Variants in IMPG2 observed in about 807,000 individuals in gnomAD.
IMPG2 encodes interphotoreceptor matrix proteoglycan 2.
A neutral mutation model predicts 129.2 loss-of-function variants in IMPG2; 91 were observed. The observed-to-expected ratio is 0.70, with a 90% CI of 0.59 to 0.84. The LOEUF (loss-of-function observed/expected upper bound fraction) is 0.84, where lower values mean the gene tolerates loss of function less well. IMPG2 is among the 40% of genes least tolerant of loss of function. The pLI, the probability that IMPG2 is intolerant of heterozygous loss-of-function variation, is 0.00. For missense variants in IMPG2, 1,430 were observed against 1,461.7 expected (o/e 0.98, Z 0.35); for synonymous variants, 510 against 517.7 (o/e 0.99, Z 0.20).
At chr3:101,254,449 A>G (rs1559645773) in intron 10 of IMPG2, among the ~76,000 whole-genome samples, 1 of 152,114 alleles carries the variant, frequency 6.6e-6, no homozygotes, top group Non-Finnish European at 1.5e-5. Flanking sequence ...CATGTATACA[A>G]TGTATGGTAA....
intron 11 of IMPG2, among the ~76,000 whole-genome samples, chr3:101,252,325 C>G (rs1444122771): frequency 6.6e-6 from 1 of 152,160 alleles, no homozygotes. Context: ...TTTGCAGCCT[C>G]TGGCTTATAT....
At chr3:101,316,693 G>T (rs1257026040) in intron 2 of IMPG2, among the ~76,000 whole-genome samples, 1 of 152,014 alleles carries the variant, frequency 6.6e-6, no homozygotes, top group African/African-American at 2.4e-5. Context: ...CAATTTACTG[G>T]AAAGTTAAAC....
intron 3 of IMPG2, among the ~76,000 whole-genome samples, chr3:101,302,486 A>G (rs77926434): frequency 6.6e-6 from 1 of 152,208 alleles, no homozygotes; most frequent in Non-Finnish European, 1.5e-5. Flanking sequence ...AGGAGGCCCA[A>G]TGGTGTGAAG....
intron 2 of IMPG2, among the ~76,000 whole-genome samples, chr3:101,307,449 G>C (rs2107139744): frequency 6.6e-6 from 1 of 152,286 alleles, no homozygotes; most frequent in Non-Finnish European, 1.5e-5. Context: ...CCACATGGGT[G>C]GGGAGGCCTC....
intron 17 of IMPG2, 60 bp downstream of exon 17, chr3:101,229,320 G>GGGCCCCCCCCCCCC: frequency 1.9e-6 from 1 of 519,342 alleles, no homozygotes; most frequent in Non-Finnish European, 3.0e-6. Context: ...ACCACCCCCT[G>GGGCCCCCCCCCCCC]CTCCCCCACA....
At chr3:101,241,641 A>C (rs1396671064) in intron 14 of IMPG2, among the ~76,000 whole-genome samples, 1 of 152,142 alleles carries the variant, frequency 6.6e-6, no homozygotes. Context: ...GATAGAGAAA[A>C]GAGCATGGAT....
At chr3:101,294,250 AC>A (rs1227312192) in intron 3 of IMPG2, among the ~76,000 whole-genome samples, 1 of 126,216 alleles carries the variant, frequency 7.9e-6, no homozygotes, top group Non-Finnish European at 1.7e-5. Context: ...CTTGGCCCCC[AC>A]CCCCCGACTA....
At chr3:101,228,959 A>G (rs1470480423) in intron 17 of IMPG2, 83 bp from the exon 18 acceptor site, 10 of 993,712 alleles carry the variant, frequency 1.0e-5, no homozygotes, top group Non-Finnish European at 1.4e-5. Flanking sequence ...AATTTTCATA[A>G]GGAATTGTTA....
At chr3:101,236,924 C>T (rs1281473388) in intron 14 of IMPG2, among the ~76,000 whole-genome samples, 3 of 152,142 alleles carry the variant, frequency 2.0e-5, no homozygotes, top group Admixed American at 6.6e-5. Context: ...TCTAGCTCAG[C>T]GAATCCCACC....
At position 101,256,221 on chromosome 3, in the gene IMPG2, A is replaced by G. The variant is rs113985204; in HGVS notation, c.1153+1308T>C. ...AGAAAGAAAGAAAGAAAGAAAGAAAAAAATATCTTATTTGGGAAATAAGAG... is the reference window on the plus strand; with the variant it reads ...AGAAAGAAAGAAAGAAAGAAAGAAAGAAATATCTTATTTGGGAAATAAGAG... On this transcript the variant is annotated intron_variant, in intron 10 of 18. Transcript: ENST00000193391. 1.1e-3 allele frequency among the ~76,000 whole-genome samples: 147 copies of G among 131,502 alleles called. 1 individual carries two copies. The highest frequency in any genetic ancestry group is 1.3e-3 in the African/African-American group (44 of 34,868). 86.3% of individuals were successfully genotyped at this position (131,502 alleles called of 152,430 possible). A position where few individuals can be genotyped will look rare whatever the true frequency, so the allele number is the denominator to read the frequency against.
intron 4 of IMPG2, 65 bp from the exon 5 acceptor site, chr3:101,276,778 T>G (rs1453985155): frequency 3.8e-6 from 5 of 1,322,896 alleles, no homozygotes; most frequent in African/African-American, 2.9e-5. Context: ...TTGGGATTTT[T>G]GGGGTTGTTT....
chr3:101,241,980 G>T (rs1706413358), intron 14 of IMPG2, among the ~76,000 whole-genome samples: 1 of 151,738 alleles, frequency 6.6e-6, no homozygotes, highest in African/African-American at 2.4e-5. Context: ...AGTGAGCCAA[G>T]GTCACACCAT....
chr3:101,275,426 C>G (rs1706830266), intron 6 of IMPG2, among the ~76,000 whole-genome samples: 1 of 152,172 alleles, frequency 6.6e-6, no homozygotes, highest in Non-Finnish European at 1.5e-5. Flanking sequence ...ACCTCAATGA[C>G]AGTCCACTTC....
intron 15 of IMPG2, among the ~76,000 whole-genome samples, chr3:101,231,743 G>C (rs1706290350): frequency 6.6e-6 from 1 of 152,172 alleles, no homozygotes; most frequent in Non-Finnish European, 1.5e-5. Context: ...TGACCTTGCA[G>C]ACTGTCCTCT....
rs758079098 is a variant in IMPG2, at chr3:101,231,136, C to G, written c.3243G>C (p.Val1081=). Residue 1081 remains valine (V), a synonymous_variant, in exon 16 of 19, where the codon GTG becomes GTC. Transcript: ENST00000193391. ...PGHGAICRCR[V]GENWWYRGKH... ...TGCCTCGGTACCACCAGTTCTCACC[C>G]ACCCGGCACCTGCAACCAACAGTCA... 6.2e-7 allele frequency: 1 copy of G among 1,614,036 alleles called. No homozygotes were observed. The highest frequency in any genetic ancestry group is 8.5e-7 in the Non-Finnish European group (1 of 1,180,000).
At chr3:101,274,715 A>G (rs1706822764) in intron 6 of IMPG2, among the ~76,000 whole-genome samples, 1 of 152,228 alleles carries the variant, frequency 6.6e-6, no homozygotes, top group Non-Finnish European at 1.5e-5. Flanking sequence ...AGTGAATTAT[A>G]TCTCATTCTA....
At chr3:101,300,930 T>C (rs1707133789) in intron 3 of IMPG2, among the ~76,000 whole-genome samples, 1 of 152,254 alleles carries the variant, frequency 6.6e-6, no homozygotes, top group Non-Finnish European at 1.5e-5. Context: ...CTATACTTAA[T>C]CATTTCTAAC....
At chr3:101,285,609 T>C (rs1035115688) in intron 4 of IMPG2, among the ~76,000 whole-genome samples, 2 of 152,184 alleles carry the variant, frequency 1.3e-5, no homozygotes, top group African/African-American at 4.8e-5. Context: ...ACGTATTCAA[T>C]ATGCTGACAA....
intron 4 of IMPG2, among the ~76,000 whole-genome samples, chr3:101,290,995 GCCAGAAA>G (rs1271047241): frequency 6.6e-6 from 1 of 152,242 alleles, no homozygotes; most frequent in African/African-American, 2.4e-5. Flanking sequence ...CTTCCCAGAA[GCCAGAAA>G]CGACCTTAGC....
Sources: allele counts gnomAD v4.1 joint callset (sites outside exome capture counted in the v4.1 genomes callset), GRCh38; gene constraint gnomAD v4.1.1; transcripts MANE v1.5; gene names NCBI Gene and HGNC (gene_info 2026-07-23, HGNC 2026-07-21).